GIPC1: variants seen among roughly 807,000 people sequenced by gnomAD.
GIPC1 encodes PDZ domain-containing protein GIPC1.
Under a neutral mutation model 28.5 loss-of-function variants are expected in GIPC1, and 15 were observed. The ratio of observed to expected loss-of-function variants is 0.53; its 90% confidence interval spans 0.35 to 0.81. GIPC1 has a LOEUF of 0.81. GIPC1 is among the 30% of genes least tolerant of loss of function. The pLI, the probability that GIPC1 is intolerant of heterozygous loss-of-function variation, is 0.01. For missense variants in GIPC1, 439 were observed against 481.9 expected (o/e 0.91, Z 0.83); for synonymous variants, 224 against 206.1 (o/e 1.09, Z -0.74).
intron 1 of GIPC1, among the ~76,000 whole-genome samples, chr19:14,495,778 G>GGGGA (rs2072062986): frequency 6.6e-6 from 1 of 152,096 alleles, no homozygotes; most frequent in South Asian, 2.1e-4. Flanking sequence ...CGGGGGACGG[G>GGGGA]GGGAGGGGCA....
intron 1 of GIPC1, among the ~76,000 whole-genome samples, 181 bp downstream of exon 1, chr19:14,495,856 C>CCCCACCA (rs1395555641): frequency 6.6e-6 from 1 of 151,482 alleles, no homozygotes; most frequent in Non-Finnish European, 1.5e-5. Context: ...AGGGAGCTGC[C>CCCCACCA]CCCACCACCC....
intron 3 of GIPC1, among the ~76,000 whole-genome samples, chr19:14,491,403 T>G (rs867655780): frequency 7.2e-5 from 11 of 151,980 alleles, no homozygotes; most frequent in South Asian, 4.2e-4. Flanking sequence ...GGATTACAGG[T>G]GCGTGCCACC....
chr19:14,483,003 A>T lies in GIPC1; in HGVS notation c.-27T>A, dbSNP rs762109304. 6.2e-7 allele frequency: 1 copy of T among 1,602,272 alleles called. No individual in the cohort carries two copies. The highest frequency in any genetic ancestry group is 8.5e-7 in the Non-Finnish European group (1 of 1,177,646). ...AGCAGCGAGAAGTGGGGTCACCAGA[A>T]GATCTGCAGGACAGGAAGTGGGGCT... On this transcript the variant is annotated 5_prime_UTR_variant, in exon 4 of 9. Coordinates refer to ENST00000393033, the MANE Select transcript of GIPC1 (RefSeq NM_005716.4).
At chr19:14,487,943 C>T (rs960130745) in intron 3 of GIPC1, among the ~76,000 whole-genome samples, 1 of 151,914 alleles carries the variant, frequency 6.6e-6, no homozygotes, top group Non-Finnish European at 1.5e-5. Flanking sequence ...GGACTCCTAA[C>T]GAGCTGGGAT....
chr19:14,485,684 A>AAAATATATATATATAT (rs1203964161), intron 3 of GIPC1, among the ~76,000 whole-genome samples: 1 of 72,476 alleles, frequency 1.4e-5, no homozygotes, highest in African/African-American at 5.2e-5. Context: ...TAAATAAACA[A>AAAATATATATATATAT]ATATATATAT....
At chr19:14,492,814 G>C (rs1476634767) in intron 2 of GIPC1, 43 bp downstream of exon 2, 1 of 152,220 alleles carries the variant, frequency 6.6e-6, no homozygotes. Flanking sequence ...ACGGCCATAA[G>C]AGGCTTCGTG....
intron 6 of GIPC1, 89 bp from the exon 7 acceptor site, chr19:14,479,613 C>A: frequency 1.6e-6 from 1 of 625,646 alleles, no homozygotes; most frequent in South Asian, 3.0e-5. Flanking sequence ...CTTTCACCAC[C>A]ACCCCAAACT....
At chr19:14,489,945 C>T (rs77686846) in intron 3 of GIPC1, among the ~76,000 whole-genome samples, 12 of 150,632 alleles carry the variant, frequency 8.0e-5, no homozygotes, top group African/African-American at 2.7e-4. Flanking sequence ...AGTGGTGGTG[C>T]GGTGTTGGGA....
intron 3 of GIPC1, among the ~76,000 whole-genome samples, chr19:14,485,698 TATATAGAG>T (rs1305459110): frequency 2.4e-5 from 2 of 85,092 alleles, no homozygotes; most frequent in African/African-American, 8.6e-5. Flanking sequence ...TATATATATA[TATATAGAG>T]AGAGAGAGAG....
intron 3 of GIPC1, among the ~76,000 whole-genome samples, chr19:14,490,726 C>T (rs1256979886): frequency 6.6e-6 from 1 of 152,054 alleles, no homozygotes; most frequent in Non-Finnish European, 1.5e-5. Context: ...GTAATCCCAG[C>T]ACTTTGGGAG....
rs777227747 is a variant in GIPC1, at chr19:14,480,458, G to A, written c.502C>T (p.His168Tyr). ...TCGCCCACGCTGATGAGGTGGATGTGGTCGATCACGCTGCCCTCCTTGATG... is the reference window on the plus strand; with the variant it reads ...TCGCCCACGCTGATGAGGTGGATGTAGTCGATCACGCTGCCCTCCTTGATG... ...KRIKEGSVID[H>Y]IHLISVGDMI... Residue 168 changes from histidine (H) to tyrosine (Y), a missense_variant, in exon 6 of 9, where the codon CAC (histidine) becomes TAC (tyrosine). Physicochemically the swap from His to Tyr is moderately conservative, Grantham distance 83. Transcript: ENST00000393033. 3.1e-6 allele frequency: 5 copies of A among 1,613,086 alleles called. No individual in the cohort carries two copies. Among genetic ancestry groups the A allele is most frequent in the Non-Finnish European group, 4.2e-6 (5 of 1,179,462 alleles).
intron 7 of GIPC1, 47 bp downstream of exon 7, chr19:14,479,365 A>AG: frequency 1.2e-6 from 1 of 819,488 alleles, no homozygotes. Flanking sequence ...AAAAAAAAAA[A>AG]AGAAAGGGAA....
Position 14,479,443 on chromosome 19 carries a change from C to A in GIPC1, c.737G>T (p.Arg246Leu). Residue 246 changes from arginine (R) to leucine (L), a missense_variant, in exon 7 of 9, where the codon CGA (arginine) becomes CTA (leucine). Coordinates refer to ENST00000393033, the MANE Select transcript of GIPC1 (RefSeq NM_005716.4). Reference sequence around the variant, plus strand: ...CTCCACCGTGGCGGGGCCCCGGGATCGGAGCCGCAGGGTCCCTCGGCCAGT... The same window carrying A: ...CTCCACCGTGGCGGGGCCCCGGGATAGGAGCCGCAGGGTCCCTCGGCCAGT... ...LGTGRGTLRLRSRGPATVEDL... is the reference protein window; with the variant it reads ...LGTGRGTLRLLSRGPATVEDL... 1 of 1,424,028 alleles carries A rather than the reference C, an allele frequency of 7.0e-7. No individual in the cohort carries two copies. The highest frequency in any genetic ancestry group is 9.2e-7 in the Non-Finnish European group (1 of 1,088,250). The allele number at this position is 1,424,028 out of a possible 1,614,324, so 88.2% of individuals were successfully genotyped here.
chr19:14,485,702 T>TATAGAGAG lies in GIPC1; in HGVS notation c.-30-2697_-30-2696insCTCTCTAT, dbSNP rs1300117748. Among the ~76,000 whole-genome samples, 106 of 58,764 alleles carry TATAGAGAG rather than the reference T, an allele frequency of 1.8e-3. 1 individual carries two copies. Among genetic ancestry groups the TATAGAGAG allele is most frequent in the East Asian group, 4.6e-3 (14 of 3,040 alleles). 38.6% of individuals were successfully genotyped at this position (58,764 alleles called of 152,430 possible). On this transcript the variant is annotated intron_variant, in intron 3 of 8. Coordinates refer to ENST00000393033, the MANE Select transcript of GIPC1 (RefSeq NM_005716.4). Reference sequence around the variant, plus strand: ...ATAAACAAATATATATATATATATATAGAGAGAGAGAGAGAGAGAGAGAGA... The same window carrying TATAGAGAG: ...ATAAACAAATATATATATATATATATATAGAGAGAGAGAGAGAGAGAGAGAGAGAGAGA...
chr19:14,487,211 C>CTTTTCTTCT (rs943122518), intron 3 of GIPC1, among the ~76,000 whole-genome samples: 1 of 150,480 alleles, frequency 6.6e-6, no homozygotes, highest in Non-Finnish European at 1.5e-5. Context: ...AGATGCCTTT[C>CTTTTCTTCT]TTTTTTTCTT....
chr19:14,487,022 C>A (rs1339058708), intron 3 of GIPC1, among the ~76,000 whole-genome samples: 2 of 151,638 alleles, frequency 1.3e-5, no homozygotes, highest in Admixed American at 1.3e-4. Flanking sequence ...TTCTGTGCAC[C>A]ATTTTAGATA....
chr19:14,484,212 G>C (rs185524480), intron 3 of GIPC1, among the ~76,000 whole-genome samples: 1 of 146,578 alleles, frequency 6.8e-6, no homozygotes, highest in Admixed American at 7.0e-5. Flanking sequence ...CTCACTCACT[G>C]CAATCTCTTG....
rs775523831 is a variant in GIPC1, at chr19:14,482,914, C to T, written c.63G>A (p.Glu21=). The stretch of plus-strand genomic sequence containing the variant: ...CCACGCCCAGCCCTCCACGGCCTGG[C>T]TCAGCCTCCTCATTTTCCACTAGAG... ...APPLVENEEA[E]PGRGGLGVGE... is the part of the protein sequence containing the mutation. Residue 21 remains glutamate (E), a synonymous_variant, in exon 4 of 9, where the codon GAG becomes GAA. Transcript: ENST00000393033. The T allele has an allele frequency of 2.4e-5, 39 of 1,607,556 alleles. No individual in the cohort carries two copies. The highest frequency in any genetic ancestry group is 3.2e-5 in the Non-Finnish European group (38 of 1,177,886).
intron 7 of GIPC1, 60 bp downstream of exon 7, chr19:14,479,352 C>CA (rs756237132): frequency 0.31 from 184,345 of 585,526 alleles, 8,278 homozygotes; most frequent in Admixed American, 0.38. Flanking sequence ...GACTCTGTCT[C>CA]AAAAAAAAAA....
Sources: gnomAD v4.1 joint callset for allele counts (sites outside exome capture counted in the v4.1 genomes callset) on GRCh38, gnomAD v4.1.1 for gene constraint, MANE v1.5 for transcripts, NCBI Gene and HGNC (gene_info 2026-07-23, HGNC 2026-07-21) for gene names.